The following ATP13A5 variants were observed in gnomAD, a reference collection of about 807,000 sequenced individuals.
The protein encoded by ATP13A5 is ATPase 13A5.
In ATP13A5, 149 loss-of-function variants were observed where a neutral mutation model predicts 150.2. That is an observed-to-expected ratio of 0.99 (90% confidence interval 0.87 to 1.14). ATP13A5 has a LOEUF of 1.14. Among genes scored for constraint, ATP13A5 ranks in the 50% most tolerant of loss-of-function variants. ATP13A5 has a pLI of 0.00. For synonymous variants in ATP13A5, 497 were observed against 522.2 expected (o/e 0.95, Z 0.66); for missense variants, 1,383 against 1,449.3 (o/e 0.95, Z 0.74).
At chr3:193,356,011 A>G (rs866906566) in intron 5 of ATP13A5, among the ~76,000 whole-genome samples, 2 of 152,286 alleles carry the variant, frequency 1.3e-5, no homozygotes, top group Middle Eastern at 3.4e-3. Context: ...GTTCCCTCCA[A>G]CTGGAACTAA....
At chr3:193,367,987 AAAGGG>A (rs1411030697) in intron 1 of ATP13A5, among the ~76,000 whole-genome samples, 1 of 147,022 alleles carries the variant, frequency 6.8e-6, no homozygotes, top group African/African-American at 2.5e-5. Context: ...GAAGGGAAGG[AAAGGG>A]AAGGGGAGGG....
intron 22 of ATP13A5, among the ~76,000 whole-genome samples, chr3:193,306,154 A>ATGTG (rs1718611379): frequency 6.6e-6 from 1 of 151,364 alleles, no homozygotes; most frequent in Admixed American, 6.6e-5. Flanking sequence ...GTAGTTCCAC[A>ATGTG]GAACTACAGA....
At chr3:193,305,414 T>G (rs554545177) in intron 23 of ATP13A5, 145 bp downstream of exon 23, 1 of 711,814 alleles carries the variant, frequency 1.4e-6, no homozygotes, top group African/African-American at 1.8e-5. Context: ...GTAACACTAA[T>G]GGCCCCCTTC....
chr3:193,287,418 A>G (rs1033248479), intron 26 of ATP13A5, among the ~76,000 whole-genome samples: 8 of 152,278 alleles, frequency 5.3e-5, no homozygotes, highest in African/African-American at 1.7e-4. Flanking sequence ...TGGTGACTTT[A>G]AGTTGATGCC....
At chr3:193,336,249 T>G (rs958104441) in intron 9 of ATP13A5, among the ~76,000 whole-genome samples, 1 of 152,180 alleles carries the variant, frequency 6.6e-6, no homozygotes, top group Non-Finnish European at 1.5e-5. Flanking sequence ...TCTTTTTATT[T>G]TATTCTACTT....
At position 193,334,941 on chromosome 3, in the gene ATP13A5, C is replaced by G; in HGVS notation, c.1102G>C (p.Val368Leu). 6.2e-7 allele frequency: 1 copy of G among 1,612,700 alleles called. No individual in the cohort carries two copies. Among genetic ancestry groups the G allele is most frequent in the South Asian group, 1.1e-5 (1 of 90,826 alleles). The change falls in exon 10 of 30, where the codon GTT becomes CTT. Residue 368 changes from valine (V) to leucine (L), a missense_variant. Physicochemically the swap from Val to Leu is conservative, Grantham distance 32. Transcript: ENST00000342358. ...PSGQGPVRAV[V>L]LQTGYNTAKG... ...GGAATCCACTAACCTGTTTGCAAAA[C>G]GACTGCTCGTACAGGCCCCTGCCCA... is the stretch of plus-strand genomic sequence containing the variant.
chr3:193,376,330 C>G (rs1327457755), intron 1 of ATP13A5, among the ~76,000 whole-genome samples: 2 of 152,188 alleles, frequency 1.3e-5, no homozygotes, highest in Non-Finnish European at 2.9e-5. Context: ...CATCTTTTCT[C>G]TGTGCCCTCA....
Position 193,275,235 on chromosome 3 carries a change from C to CTAAA in ATP13A5, c.3463_3464insTTTA (p.Ser1155IlefsTer2), listed in dbSNP as rs767922033. 1 of 1,614,136 alleles carries CTAAA rather than the reference C, an allele frequency of 6.2e-7. No individual in the cohort carries two copies. On this transcript the variant is annotated stop_gained and frameshift_variant, in exon 30 of 30. Transcript: ENST00000342358. LOFTEE classifies it low-confidence loss of function (END_TRUNC). Reference sequence around the variant, plus strand: ...CTTCTTTTGCCAAGTCCTATATTGACTTTTAGAGTAGAATCCAAATTCTCT... The same window carrying CTAAA: ...CTTCTTTTGCCAAGTCCTATATTGACTAAATTTTAGAGTAGAATCCAAATTCTCT...
At chr3:193,377,456 TTAA>T (rs1477262988) in intron 1 of ATP13A5, among the ~76,000 whole-genome samples, 2 of 152,206 alleles carry the variant, frequency 1.3e-5, no homozygotes, top group African/African-American at 4.8e-5. Context: ...ATAAAAATTA[TTAA>T]TAAGATGTTT....
intron 23 of ATP13A5, among the ~76,000 whole-genome samples, chr3:193,303,285 C>T (rs546226011): frequency 3.0e-4 from 46 of 152,156 alleles, no homozygotes; most frequent in Non-Finnish European, 4.6e-4. Flanking sequence ...TTACATAAGT[C>T]TCACCCATTT....
At chr3:193,286,568 A>G (rs528738508) in intron 26 of ATP13A5, among the ~76,000 whole-genome samples, 1 of 152,142 alleles carries the variant, frequency 6.6e-6, no homozygotes, top group African/African-American at 2.4e-5. Flanking sequence ...TTGTTTTGAG[A>G]TGCCACGAAC....
At chr3:193,289,861 G>A (rs146806659) in intron 26 of ATP13A5, 24 bp downstream of exon 26, 13 of 1,543,904 alleles carry the variant, frequency 8.4e-6, no homozygotes, top group Non-Finnish European at 1.1e-5. Context: ...CCTTTCGAAA[G>A]CAGCACTAAG....
At chr3:193,339,441 T>C (rs1712028053) in intron 9 of ATP13A5, among the ~76,000 whole-genome samples, 3 of 152,232 alleles carry the variant, frequency 2.0e-5, no homozygotes, top group South Asian at 4.1e-4. Context: ...TGAAAACACA[T>C]AGTTTTTTCA....
At chr3:193,290,199 G>A (rs1717894424) in intron 25 of ATP13A5, 140 bp from the exon 26 acceptor site, 4 of 764,360 alleles carry the variant, frequency 5.2e-6, no homozygotes, top group African/African-American at 1.8e-5. Context: ...ACCTAGGTAA[G>A]CACATTGCCT....
intron 10 of ATP13A5, 84 bp from the exon 11 acceptor site, chr3:193,333,991 A>AAGAGT: frequency 7.7e-7 from 1 of 1,293,310 alleles, no homozygotes; most frequent in South Asian, 1.4e-5. Flanking sequence ...CTTTGAGGAA[A>AAGAGT]AGAGTAGAGT....
At chr3:193,300,358 A>C (rs1323951076) in intron 24 of ATP13A5, among the ~76,000 whole-genome samples, 1 of 152,164 alleles carries the variant, frequency 6.6e-6, no homozygotes, top group Non-Finnish European at 1.5e-5. Flanking sequence ...GGCAAGACCT[A>C]ATTTGTTCTT....
At chr3:193,293,374 A>C (rs1464573353) in intron 25 of ATP13A5, among the ~76,000 whole-genome samples, 1 of 152,132 alleles carries the variant, frequency 6.6e-6, no homozygotes, top group Admixed American at 6.6e-5. Context: ...TGGTATTCAA[A>C]ATTAATCATT....
chr3:193,284,775 C>G, intron 27 of ATP13A5, 139 bp downstream of exon 27: 1 of 715,702 alleles, frequency 1.4e-6, no homozygotes, highest in South Asian at 2.1e-5. Context: ...CCAACGATGA[C>G]CACTGCATTC....
Position 193,276,804 on chromosome 3 carries a change from C to A in ATP13A5, c.3342G>T (p.Arg1114Ser), listed in dbSNP as rs1319983718. 1.2e-6 allele frequency: 2 copies of A among 1,613,542 alleles called. No individual in the cohort carries two copies. Among genetic ancestry groups the A allele is most frequent in the Non-Finnish European group, 8.5e-7 (1 of 1,179,726 alleles). ...MELIPTITSW[R>S]VLILVVALTQ... ...TGAGGGCTACCACCAAAATTAAAAC[C>A]CTCCACGATGTTATGGTTGGGATCA... The change falls in exon 29 of 30, where the codon AGG becomes AGT. Residue 1114 changes from arginine to serine, a missense_variant. By Grantham distance (110) the Arg-to-Ser change is moderately radical. Transcript: ENST00000342358.
Sources: allele counts gnomAD v4.1 joint callset (sites outside exome capture counted in the v4.1 genomes callset), GRCh38; gene constraint gnomAD v4.1.1; transcripts MANE v1.5; gene names NCBI Gene and HGNC (gene_info 2026-07-23, HGNC 2026-07-21).